FER: variants seen among roughly 807,000 people sequenced by gnomAD.
The protein encoded by FER is FER tyrosine kinase.
In FER, 63 loss-of-function variants were observed where a neutral mutation model predicts 111.0. That is an observed-to-expected ratio of 0.57 (90% CI 0.46 to 0.70). FER has a LOEUF of 0.70. FER is among the 30% of genes least tolerant of loss of function. The pLI is 0.00. For synonymous variants in FER, 327 were observed against 313.9 expected, an observed-to-expected ratio of 1.04 and a Z score of -0.44; for missense variants, 914 against 954.0, an observed-to-expected ratio of 0.96 and a Z score of 0.55.
At chr5:108,934,632 G>A (rs1485087294) in intron 10 of FER, among the ~76,000 whole-genome samples, 1 of 152,146 alleles carries the variant, frequency 6.6e-6, no homozygotes, top group African/African-American at 2.4e-5. Flanking sequence ...TGTGAAAAGA[G>A]ATGCTAGCGA....
intron 16 of FER, among the ~76,000 whole-genome samples, chr5:109,052,820 T>A (rs942040785): frequency 1.3e-5 from 2 of 152,192 alleles, no homozygotes; most frequent in African/African-American, 4.8e-5. Flanking sequence ...ATATTCAAAT[T>A]CTGTCTACCA....
intron 13 of FER, among the ~76,000 whole-genome samples, chr5:108,959,632 T>C (rs981902874): frequency 2.0e-5 from 3 of 152,020 alleles, no homozygotes; most frequent in Admixed American, 6.6e-5. Context: ...CTTCACTTTA[T>C]AAGGTTCATA....
intron 10 of FER, among the ~76,000 whole-genome samples, chr5:108,916,774 A>G (rs1158925138): frequency 6.6e-6 from 1 of 152,178 alleles, no homozygotes; most frequent in African/African-American, 2.4e-5. Context: ...GTTGGATGGC[A>G]TAAGATGAAA....
At chr5:108,847,158 T>C (rs1464182134) in intron 5 of FER, among the ~76,000 whole-genome samples, 1 of 125,202 alleles carries the variant, frequency 8.0e-6, no homozygotes, top group Non-Finnish European at 1.8e-5. Context: ...CTTAAATACT[T>C]TTTTTTTTTG....
At position 108,832,878 on chromosome 5, in the gene FER, G is replaced by A. The variant is rs200116493; in HGVS notation, c.316G>A (p.Asp106Asn). The A allele has an allele frequency of 1.2e-6, 2 of 1,607,548 alleles. No individual in the cohort carries two copies. The highest frequency in any genetic ancestry group is 1.3e-5 in the African/African-American group (1 of 74,714). The change falls in exon 4 of 20, where the codon GAC (aspartate) becomes AAC (asparagine). Residue 106 changes from aspartate (D) to asparagine (N), a missense_variant. By Grantham distance (23) the Asp-to-Asn change is conservative. Around this residue, in one of 3 missense-constraint regions of FER, gnomAD observed 774 missense variants for 782.6 expected, o/e 0.99. Coordinates refer to ENST00000281092, the MANE Select transcript of FER (RefSeq NM_005246.4). Reference protein sequence around the residue: ...PLHRLTMMIKDKQQVKKSYIG... With the variant: ...PLHRLTMMIKNKQQVKKSYIG... Reference sequence around the variant, plus strand: ...ACACAGGCTCACCATGATGATTAAGGACAAGCAGCAGGTGAAGAAAAGTTA... The same window carrying A: ...ACACAGGCTCACCATGATGATTAAGAACAAGCAGCAGGTGAAGAAAAGTTA...
rs202162884 is a variant in FER, at chr5:108,859,920, CTATTATTAT to C, written c.482-7818_482-7810del. Among the ~76,000 whole-genome samples, 969 of 141,592 alleles carry C rather than the reference CTATTATTAT, an allele frequency of 6.8e-3. 8 individuals carry two copies. Among genetic ancestry groups the C allele is most frequent in the Middle Eastern group, 0.011 (3 of 274 alleles). 92.9% of individuals were successfully genotyped at this position (141,592 alleles called of 152,430 possible). ...TAAAAGTAGCAAGATATGTATATAC[CTATTATTAT>C]TATTATTATTATTATTATTATTATT... On this transcript the variant is annotated intron_variant, in intron 5 of 19. Coordinates refer to ENST00000281092, the MANE Select transcript of FER (RefSeq NM_005246.4).
chr5:109,195,039 G>A lies in FER; in HGVS notation c.*7464G>A, dbSNP rs938205318. 6 of 152,020 alleles carry A rather than the reference G, an allele frequency of 3.9e-5. No homozygotes were observed. Among genetic ancestry groups the A allele is most frequent in the South Asian group, 2.1e-4 (1 of 4,816 alleles). 9.4% of individuals were successfully genotyped at this position (152,020 alleles called of 1,614,324 possible). ...GCAGTCTTTCCCACCTCATTGGTCC[G>A]TGCTTTTATTTTTAAACCCAAAAGA... On this transcript the variant is annotated 3_prime_UTR_variant, in exon 20 of 20. Transcript: ENST00000281092.
At chr5:108,869,217 TC>T (rs1764369244) in intron 6 of FER, among the ~76,000 whole-genome samples, 3 of 152,144 alleles carry the variant, frequency 2.0e-5, no homozygotes, top group African/African-American at 7.2e-5. Context: ...GCTTACTTGT[TC>T]CTTACAGTAT....
intron 13 of FER, among the ~76,000 whole-genome samples, chr5:109,005,374 T>C (rs749746921): frequency 6.6e-6 from 1 of 151,972 alleles, no homozygotes; most frequent in Non-Finnish European, 1.5e-5. Context: ...ATCCCGTGTG[T>C]GTGTGTGTGT....
intron 1 of FER, among the ~76,000 whole-genome samples, chr5:108,759,168 C>A (rs951901734): frequency 2.0e-5 from 3 of 152,144 alleles, no homozygotes; most frequent in African/African-American, 7.2e-5. Context: ...AGCATGTGGA[C>A]AACAAAAACC....
At chr5:109,160,656 T>G (rs1755892088) in intron 17 of FER, among the ~76,000 whole-genome samples, 1 of 152,120 alleles carries the variant, frequency 6.6e-6, no homozygotes, top group Admixed American at 6.6e-5. Flanking sequence ...TTTGTCTAAT[T>G]GTAAAATGCC....
intron 16 of FER, among the ~76,000 whole-genome samples, chr5:109,056,033 C>T (rs1227891849): frequency 6.6e-6 from 1 of 152,074 alleles, no homozygotes; most frequent in South Asian, 2.1e-4. Context: ...TGAGATAGCA[C>T]CTTACTCCAA....
intron 9 of FER, among the ~76,000 whole-genome samples, chr5:108,886,918 C>T (rs1747261376): frequency 6.6e-6 from 1 of 151,680 alleles, no homozygotes; most frequent in Non-Finnish European, 1.5e-5. Context: ...TTGCTAAACA[C>T]ATAGTCTGAA....
intron 1 of FER, among the ~76,000 whole-genome samples, chr5:108,757,392 AAAAG>A (rs1751237615): frequency 6.6e-6 from 1 of 152,128 alleles, no homozygotes; most frequent in African/African-American, 2.4e-5. Context: ...AATTTCCTGA[AAAAG>A]AAAGCCAGCT....
intron 10 of FER, among the ~76,000 whole-genome samples, chr5:108,919,934 G>T (rs922481612): frequency 6.6e-6 from 1 of 152,062 alleles, no homozygotes; most frequent in Non-Finnish European, 1.5e-5. Context: ...TCATAGAATT[G>T]TCTTAAAAGT....
chr5:108,861,694 T>C (rs920525640), intron 5 of FER, among the ~76,000 whole-genome samples: 1 of 152,178 alleles, frequency 6.6e-6, no homozygotes, highest in African/African-American at 2.4e-5. Context: ...TATTTAAAAG[T>C]TAAGAAAGTA....
At chr5:108,779,581 A>G (rs1349967773) in intron 2 of FER, among the ~76,000 whole-genome samples, 2 of 152,226 alleles carry the variant, frequency 1.3e-5, no homozygotes, top group Middle Eastern at 3.4e-3. Context: ...TTTACTTTCA[A>G]ATTGTACTTG....
chr5:108,864,334 T>G (rs1763819685), intron 5 of FER, among the ~76,000 whole-genome samples: 1 of 152,192 alleles, frequency 6.6e-6, no homozygotes, highest in Non-Finnish European at 1.5e-5. Context: ...GGAGGGATGA[T>G]GAGAAAGCAA....
intron 13 of FER, among the ~76,000 whole-genome samples, chr5:109,027,637 A>G (rs1266835975): frequency 1.3e-5 from 2 of 152,170 alleles, no homozygotes; most frequent in African/African-American, 4.8e-5. Flanking sequence ...TGGCACAACC[A>G]TCCAAAGAGA....
Sources: allele counts gnomAD v4.1 joint callset (sites outside exome capture counted in the v4.1 genomes callset), GRCh38; gene constraint gnomAD v4.1.1; regional missense constraint gnomAD v4.1.1; transcripts MANE v1.5; gene names NCBI Gene and HGNC (gene_info 2026-07-23, HGNC 2026-07-21).